SLC35F4: variants seen among roughly 807,000 people sequenced by gnomAD.
SLC35F4 encodes the protein solute carrier family 35 member F4, also known as chromosome 14 open reading frame 36.
A neutral mutation model predicts 44.2 loss-of-function variants in SLC35F4; 24 were observed. The ratio of observed to expected loss-of-function variants is 0.54; its 90% confidence interval spans 0.39 to 0.76. SLC35F4 has a LOEUF of 0.76. Among genes scored for constraint, SLC35F4 ranks in the 30% least tolerant of loss-of-function variants. The pLI is 0.00. For missense variants in SLC35F4, 562 were observed against 586.1 expected (o/e 0.96, Z 0.42); for synonymous variants, 238 against 223.6 (o/e 1.06, Z -0.57).
At chr14:57,733,792 A>G (rs575218483) in intron 1 of SLC35F4, among the ~76,000 whole-genome samples, 1 of 152,040 alleles carries the variant, frequency 6.6e-6, no homozygotes, top group South Asian at 2.1e-4. Context: ...GGCATGTTAT[A>G]GCCTAGGAAT....
intron 4 of SLC35F4, chr14:57,579,647 GAC>G (rs1187324622): frequency 6.6e-6 from 1 of 152,190 alleles, no homozygotes; most frequent in Non-Finnish European, 1.5e-5. Context: ...GATAGTGAAA[GAC>G]AGTGAAAAGA....
Position 57,941,902 on chromosome 14 carries a change from A to C in SLC35F4, n.282+40011T>G, listed in dbSNP as rs927158169. Among the ~76,000 whole-genome samples, 7 of 152,290 alleles carry C rather than the reference A, an allele frequency of 4.6e-5. No homozygotes were observed. In the East Asian group the frequency reaches 1.4e-3, roughly 29 times the overall value. On this transcript the variant is annotated intron_variant and non_coding_transcript_variant, in intron 1 of 1. Transcript: ENST00000556568. ...GGTGAATGAGTCTCCAGTACTGTTT[A>C]AGGCATTTTGTGGCTGGCAGACACA...
Position 57,943,636 on chromosome 14 carries a change from G to T in SLC35F4, n.282+38277C>A, listed in dbSNP as rs11851085. 0.024 allele frequency among the ~76,000 whole-genome samples: 3,630 copies of T among 151,494 alleles called. 344 individuals are homozygous for T. The East Asian group carries it at 0.35, about 15-fold the overall frequency. On this transcript the variant is annotated intron_variant and non_coding_transcript_variant, in intron 1 of 1. Transcript: ENST00000556568. ...CTTCACCAATCTGCGACTTCCCACC[G>T]CCTCCACACAACCCAGAGGTAGACT...
chr14:57,671,291 T>G (rs753939191), intron 1 of SLC35F4, among the ~76,000 whole-genome samples: 75 of 151,758 alleles, frequency 4.9e-4, no homozygotes, highest in Non-Finnish European at 8.7e-4. Flanking sequence ...GCATCACCCC[T>G]CCCTTAACCT....
chr14:57,859,695 G>C (rs1406140121), intron 1 of SLC35F4, among the ~76,000 whole-genome samples: 4 of 152,154 alleles, frequency 2.6e-5, no homozygotes, highest in Non-Finnish European at 5.9e-5. Flanking sequence ...GGAAGGACTT[G>C]AGGCTGGGCA....
At chr14:57,974,213 C>T (rs1881142236), downstream of SLC35F4, among the ~76,000 whole-genome samples, 1 of 152,176 alleles carries the variant, frequency 6.6e-6, no homozygotes, top group East Asian at 1.9e-4. Context: ...AAGACTGGCC[C>T]AGCTGCGACT....
chr14:57,954,893 T>A (rs1472897325), intron 1 of SLC35F4, among the ~76,000 whole-genome samples: 10 of 116,626 alleles, frequency 8.6e-5, no homozygotes, highest in South Asian at 2.6e-4. Context: ...TTCCAGACAA[T>A]AGAAAAAGAG....
chr14:57,896,419 T>A (rs971864043), intron 1 of SLC35F4, among the ~76,000 whole-genome samples: 1 of 152,156 alleles, frequency 6.6e-6, no homozygotes, highest in Non-Finnish European at 1.5e-5. Flanking sequence ...GGTGATAAGA[T>A]CAAAATGCGT....
intron 1 of SLC35F4, among the ~76,000 whole-genome samples, chr14:57,821,251 G>A (rs1402135529): frequency 2.0e-5 from 3 of 151,790 alleles, no homozygotes; most frequent in Non-Finnish European, 4.4e-5. Context: ...CAGCTTCCAA[G>A]TCACACAGAC....
intron 1 of SLC35F4, among the ~76,000 whole-genome samples, chr14:57,623,695 A>G (rs1394957582): frequency 6.6e-6 from 1 of 152,244 alleles, no homozygotes; most frequent in South Asian, 2.1e-4. Context: ...CCTGCCATGA[A>G]TGACTACTGG....
At chr14:57,645,285 CTT>C (rs1337823881) in intron 1 of SLC35F4, among the ~76,000 whole-genome samples, 4 of 152,162 alleles carry the variant, frequency 2.6e-5, no homozygotes, top group Non-Finnish European at 5.9e-5. Context: ...TTTGTATCCT[CTT>C]TTATTTCATT....
At chr14:57,901,233 C>A (rs1888993962) in intron 1 of SLC35F4, among the ~76,000 whole-genome samples, 2 of 152,182 alleles carry the variant, frequency 1.3e-5, no homozygotes, top group African/African-American at 4.8e-5. Context: ...ATGTTCATTG[C>A]AGCACTATTT....
At chr14:57,572,125 T>C (rs1188735251) in intron 4 of SLC35F4, 106 bp from the exon 5 acceptor site, 2 of 1,316,718 alleles carry the variant, frequency 1.5e-6, no homozygotes, top group Non-Finnish European at 2.1e-6. Flanking sequence ...TTAAACCTAA[T>C]TACCTTTTGT....
intron 1 of SLC35F4, among the ~76,000 whole-genome samples, chr14:57,654,345 T>TG (rs1304614971): frequency 2.0e-5 from 3 of 152,174 alleles, no homozygotes; most frequent in African/African-American, 7.2e-5. Flanking sequence ...ATGCAATATT[T>TG]GGTTTTCCAC....
intron 1 of SLC35F4, among the ~76,000 whole-genome samples, chr14:57,942,464 CA>C (rs1889932893): frequency 6.6e-6 from 1 of 152,154 alleles, no homozygotes; most frequent in Non-Finnish European, 1.5e-5. Context: ...GAGATAACTT[CA>C]GATGACTTTT....
chr14:57,621,762 G>A (rs868089388), intron 1 of SLC35F4, among the ~76,000 whole-genome samples: 3,359 of 150,512 alleles, frequency 0.022, 57 homozygotes, highest in Non-Finnish European at 0.035. Context: ...CATGGGCAAG[G>A]ACTTCATGTC....
intron 1 of SLC35F4, among the ~76,000 whole-genome samples, chr14:57,727,431 C>A (rs1195644892): frequency 1.3e-5 from 2 of 150,628 alleles, no homozygotes; most frequent in African/African-American, 4.9e-5. Flanking sequence ...ATTTCTTCTA[C>A]TAATTTTGGG....
chr14:57,726,310 A>T (rs188629127), intron 1 of SLC35F4, among the ~76,000 whole-genome samples: 1 of 152,326 alleles, frequency 6.6e-6, no homozygotes, highest in Non-Finnish European at 1.5e-5. Flanking sequence ...CCAGAAAAAA[A>T]ACCAGACTTG....
At chr14:57,960,959 C>G (rs1890327283) in intron 1 of SLC35F4, among the ~76,000 whole-genome samples, 1 of 152,118 alleles carries the variant, frequency 6.6e-6, no homozygotes, top group African/African-American at 2.4e-5. Flanking sequence ...CTGCAAGACC[C>G]TGAACACATG....
Sources: allele counts gnomAD v4.1 joint callset (sites outside exome capture counted in the v4.1 genomes callset), GRCh38; gene constraint gnomAD v4.1.1; transcripts MANE v1.5; gene names NCBI Gene and HGNC (gene_info 2026-07-23, HGNC 2026-07-21).